Variants in EPHA6 observed in about 807,000 individuals in gnomAD.
EPHA6 encodes the protein EPH receptor A6, also known as ephrin type-A receptor 6.
In EPHA6, 50 loss-of-function variants were observed where a neutral mutation model predicts 112.0. The ratio of observed to expected loss-of-function variants is 0.45; its 90% CI spans 0.36 to 0.56. The LOEUF (loss-of-function observed/expected upper bound fraction) is 0.56, where lower values mean the gene tolerates loss of function less well. EPHA6 is among the 20% of genes least tolerant of loss of function. The pLI is 0.00. For missense variants in EPHA6, 1,280 were observed against 1,417.4 expected (o/e 0.90, Z 1.56); for synonymous variants, 529 against 490.7 (o/e 1.08, Z -1.03).
chr3:97,522,258 A>G (rs534565341), intron 10 of EPHA6, among the ~76,000 whole-genome samples: 23 of 152,286 alleles, frequency 1.5e-4, no homozygotes, highest in African/African-American at 4.1e-4. Flanking sequence ...CTGTAGTGGA[A>G]AGGATGCTGA....
At chr3:97,149,795 A>G (rs2076129010) in intron 3 of EPHA6, among the ~76,000 whole-genome samples, 1 of 151,018 alleles carries the variant, frequency 6.6e-6, no homozygotes, top group Non-Finnish European at 1.5e-5. Flanking sequence ...GTACAAACTT[A>G]TTTTTAGATA....
chr3:97,402,318 CTG>C lies in EPHA6; in HGVS notation c.1607-2831_1607-2830del, dbSNP rs890326206. 7.2e-5 allele frequency among the ~76,000 whole-genome samples: 11 copies of C among 152,030 alleles called. 1 individual carries two copies. ...TAGATCTAATATTTGCTTTATATAT[CTG>C]GTTGCTGCAGTGTTGAGTGCATATA... On this transcript the variant is annotated intron_variant, in intron 5 of 17. Transcript: ENST00000389672.
intron 2 of EPHA6, among the ~76,000 whole-genome samples, chr3:96,877,628 A>T (rs575915121): frequency 1.4e-5 from 2 of 138,556 alleles, no homozygotes; most frequent in East Asian, 5.1e-4. Flanking sequence ...ACTTTCAAAA[A>T]ACACAGGTTG....
chr3:96,980,371 G>A (rs536975353), intron 2 of EPHA6, among the ~76,000 whole-genome samples: 33 of 152,074 alleles, frequency 2.2e-4, no homozygotes, highest in Non-Finnish European at 4.6e-4. Flanking sequence ...TAGATGTGTG[G>A]TATTATTTCT....
chr3:97,391,074 A>G (rs1288630701), intron 5 of EPHA6, among the ~76,000 whole-genome samples: 1 of 152,046 alleles, frequency 6.6e-6, no homozygotes, highest in Non-Finnish European at 1.5e-5. Context: ...CCATTTTGAA[A>G]TAACCTTTCC....
chr3:97,716,443 C>CT, intron 14 of EPHA6, among the ~76,000 whole-genome samples: 1 of 141,302 alleles, frequency 7.1e-6, no homozygotes, highest in Non-Finnish European at 1.5e-5. Flanking sequence ...TGGCGGGCGC[C>CT]TGTAGTCCCA....
chr3:97,120,903 T>C (rs2048023032), intron 3 of EPHA6, among the ~76,000 whole-genome samples: 2 of 151,962 alleles, frequency 1.3e-5, no homozygotes, highest in East Asian at 3.9e-4. Flanking sequence ...AAACACTGGC[T>C]TCTAAAAAAC....
intron 3 of EPHA6, among the ~76,000 whole-genome samples, chr3:97,054,265 C>A (rs1431441666): frequency 6.6e-6 from 1 of 151,968 alleles, no homozygotes; most frequent in East Asian, 1.9e-4. Flanking sequence ...TTTAATATTT[C>A]TTTCGAATGA....
At chr3:97,285,621 T>C (rs764886458) in intron 5 of EPHA6, among the ~76,000 whole-genome samples, 2 of 152,072 alleles carry the variant, frequency 1.3e-5, no homozygotes, top group Non-Finnish European at 2.9e-5. Flanking sequence ...TATCCATCTA[T>C]AGATAGACAC....
At chr3:97,143,370 A>G (rs921360162) in intron 3 of EPHA6, among the ~76,000 whole-genome samples, 2 of 151,746 alleles carry the variant, frequency 1.3e-5, no homozygotes, top group Admixed American at 6.6e-5. Flanking sequence ...TGTTCTCACA[A>G]TTGTTAGAAA....
intron 3 of EPHA6, among the ~76,000 whole-genome samples, chr3:97,139,082 C>T (rs1576555625): frequency 2.0e-5 from 3 of 152,272 alleles, no homozygotes; most frequent in African/African-American, 7.2e-5. Flanking sequence ...TTGTAATCAG[C>T]ATTTGCATTC....
chr3:97,009,097 G>A (rs1453171935), intron 3 of EPHA6, among the ~76,000 whole-genome samples: 2 of 152,080 alleles, frequency 1.3e-5, no homozygotes, highest in Non-Finnish European at 2.9e-5. Flanking sequence ...TGAGTGTCAC[G>A]GGGAGCAGGA....
chr3:97,463,145 C>A (rs1243949164), intron 7 of EPHA6, among the ~76,000 whole-genome samples: 1 of 152,116 alleles, frequency 6.6e-6, no homozygotes, highest in Non-Finnish European at 1.5e-5. Context: ...TACATGTGCA[C>A]AACTTGCAGG....
chr3:97,696,690 T>A (rs2033062652), intron 14 of EPHA6, among the ~76,000 whole-genome samples: 1 of 152,106 alleles, frequency 6.6e-6, no homozygotes, highest in Non-Finnish European at 1.5e-5. Context: ...TAATAATAAT[T>A]ATAATAACTA....
chr3:96,947,676 G>T lies in EPHA6; in HGVS notation c.451-39654G>T, dbSNP rs898498412. Among the ~76,000 whole-genome samples, 20 of 152,086 alleles carry T rather than the reference G, an allele frequency of 1.3e-4. 1 individual carries two copies. Among genetic ancestry groups the T allele is most frequent in the Admixed American group, 1.0e-3 (16 of 15,244 alleles). ...GCTTCAAAGAGAATAAAATACCTGGGAATCTAACTTACAAGGGATGTGAAG... is the reference window on the plus strand; with the variant it reads ...GCTTCAAAGAGAATAAAATACCTGGTAATCTAACTTACAAGGGATGTGAAG... On this transcript the variant is annotated intron_variant, in intron 2 of 17. Transcript: ENST00000389672.
rs1247992315 is a variant in EPHA6, at chr3:97,734,466, A to C, written c.2935-1459A>C. ...GATGAGAAAAATCCTGTTCAGTAAT[A>C]AAATATAAAGTGAATAGAAAAATGC... On this transcript the variant is annotated intron_variant, in intron 15 of 17. Transcript: ENST00000389672. Among the ~76,000 whole-genome samples, 4 of 152,060 alleles carry C rather than the reference A, an allele frequency of 2.6e-5. No homozygotes were observed. In the East Asian group the frequency reaches 7.7e-4, roughly 29 times the overall value.
At chr3:97,137,214 A>T (rs35574826) in intron 3 of EPHA6, among the ~76,000 whole-genome samples, 1 of 152,294 alleles carries the variant, frequency 6.6e-6, no homozygotes, top group African/African-American at 2.4e-5. Context: ...GCAATTTGAA[A>T]TGCAATCCTC....
intron 3 of EPHA6, among the ~76,000 whole-genome samples, chr3:97,006,371 T>A (rs2107924272): frequency 6.6e-6 from 1 of 152,300 alleles, no homozygotes; most frequent in Non-Finnish European, 1.5e-5. Context: ...CCATTTCTAC[T>A]AGATTTTCTA....
At chr3:96,995,389 C>T (rs2043382544) in intron 3 of EPHA6, among the ~76,000 whole-genome samples, 1 of 152,126 alleles carries the variant, frequency 6.6e-6, no homozygotes, top group Admixed American at 6.6e-5. Context: ...AAGGTTCTCA[C>T]ACACTGAATA....
Sources: gnomAD v4.1 joint callset for allele counts (sites outside exome capture counted in the v4.1 genomes callset) on GRCh38, gnomAD v4.1.1 for gene constraint, MANE v1.5 for transcripts, NCBI Gene and HGNC (gene_info 2026-07-23, HGNC 2026-07-21) for gene names.